Variants in KIAA1217 observed in about 807,000 individuals in gnomAD.
The protein encoded by KIAA1217 is KIAA1217.
In KIAA1217, 88 loss-of-function variants were observed where a neutral mutation model predicts 163.9. The ratio of observed to expected loss-of-function variants is 0.54; its 90% CI spans 0.45 to 0.64. The LOEUF (loss-of-function observed/expected upper bound fraction) is 0.64. KIAA1217 is among the 30% of genes least tolerant of loss of function. The pLI, the probability that KIAA1217 is intolerant of heterozygous loss-of-function variation, is 0.00. For synonymous variants in KIAA1217, 903 were observed against 923.1 expected, an observed-to-expected ratio of 0.98 and a Z score of 0.39; for missense variants, 2,372 against 2,475.0, an observed-to-expected ratio of 0.96 and a Z score of 0.88.
At chr10:24,360,807 T>C (rs1308245138) in intron 2 of KIAA1217, among the ~76,000 whole-genome samples, 4 of 152,182 alleles carry the variant, frequency 2.6e-5, no homozygotes, top group Non-Finnish European at 5.9e-5. Context: ...TATGATTTTA[T>C]TGTTCTTCCC....
chr10:23,855,891 T>A (rs923638680), intron 1 of KIAA1217, among the ~76,000 whole-genome samples: 1 of 152,172 alleles, frequency 6.6e-6, no homozygotes, highest in Non-Finnish European at 1.5e-5. Context: ...CTCTGATTGG[T>A]TATTCTAGTT....
intron 4 of KIAA1217, among the ~76,000 whole-genome samples, chr10:24,436,464 C>CAA (rs34617087): frequency 0.18 from 24,510 of 138,468 alleles, 2,284 homozygotes; most frequent in South Asian, 0.34. Context: ...TTATATAAGA[C>CAA]AAAAAAAAAA....
chr10:24,427,325 C>T (rs188274259), intron 3 of KIAA1217, among the ~76,000 whole-genome samples: 5 of 151,964 alleles, frequency 3.3e-5, no homozygotes, highest in African/African-American at 9.6e-5. Flanking sequence ...TCAACATCTT[C>T]AAGCAGATGG....
At position 23,880,356 on chromosome 10, in the gene KIAA1217, C is replaced by T. The variant is rs1176307569; in HGVS notation, c.-320-126869C>T. Among the ~76,000 whole-genome samples, 10 of 151,846 alleles carry T rather than the reference C, an allele frequency of 6.6e-5. 1 individual carries two copies. In the South Asian group the frequency reaches 1.0e-3, roughly 16 times the overall value. The stretch of plus-strand genomic sequence containing the variant: ...GTAAAATGAGCCAGGCACAGAAAGA[C>T]GAACATCACCTGTTCTCACTTATCT... On this transcript the variant is annotated intron_variant, in intron 1 of 18. Transcript: ENST00000376462.
At chr10:24,070,116 A>G (rs1179003231) in intron 2 of KIAA1217, among the ~76,000 whole-genome samples, 1 of 152,152 alleles carries the variant, frequency 6.6e-6, no homozygotes. Flanking sequence ...ATTTCTTATA[A>G]TGTAGCATTT....
At chr10:24,271,158 A>G (rs1268058061) in intron 2 of KIAA1217, among the ~76,000 whole-genome samples, 2 of 152,186 alleles carry the variant, frequency 1.3e-5, no homozygotes, top group Non-Finnish European at 2.9e-5. Flanking sequence ...ATTTGGCATC[A>G]AAGTTATTTT....
chr10:24,398,671 G>T (rs1423779583), intron 3 of KIAA1217, among the ~76,000 whole-genome samples: 1 of 152,094 alleles, frequency 6.6e-6, no homozygotes, highest in Non-Finnish European at 1.5e-5. Flanking sequence ...TTTTTCCCAT[G>T]ATTCTTTCCT....
chr10:23,871,150 T>C (rs1190835883), intron 1 of KIAA1217, among the ~76,000 whole-genome samples: 1 of 152,118 alleles, frequency 6.6e-6, no homozygotes, highest in Non-Finnish European at 1.5e-5. Context: ...TTATTTGTCT[T>C]AACTGGTTGG....
intron 2 of KIAA1217, among the ~76,000 whole-genome samples, chr10:24,229,226 T>TA (rs1214801350): frequency 6.6e-6 from 1 of 152,348 alleles, no homozygotes; most frequent in African/African-American, 2.4e-5. Context: ...TATACACTGT[T>TA]CAGTAAGTCG....
At chr10:24,196,688 TCTC>T (rs2130499454) in intron 2 of KIAA1217, among the ~76,000 whole-genome samples, 1 of 152,316 alleles carries the variant, frequency 6.6e-6, no homozygotes, top group African/African-American at 2.4e-5. Flanking sequence ...CCCTTGGACT[TCTC>T]CATTGCACTA....
chr10:24,544,371 G>A lies in KIAA1217; in HGVS notation c.5101G>A (p.Ala1701Thr). Residue 1701 changes from alanine to threonine, a missense_variant, in exon 19 of 21, where the codon GCA (alanine) becomes ACA (threonine). Physicochemically the swap from Ala to Thr is moderately conservative, Grantham distance 58. Coordinates refer to ENST00000376454, the MANE Select transcript of KIAA1217 (RefSeq NM_019590.5). ...TSCSSNRDSV[A>T]SSSHIAQEAS... ...ATGTTCTTCCAACAGAGATTCTGTT[G>A]CAAGTTCATCCCACATAGCCCAAGA... 6.2e-7 allele frequency: 1 copy of A among 1,614,116 alleles called. No individual in the cohort carries two copies. Among genetic ancestry groups the A allele is most frequent in the African/African-American group, 1.3e-5 (1 of 75,006 alleles).
intron 1 of KIAA1217, among the ~76,000 whole-genome samples, chr10:23,900,616 T>C (rs1841917489): frequency 6.6e-6 from 1 of 152,134 alleles, no homozygotes; most frequent in Admixed American, 6.5e-5. Context: ...ATAGGACTTA[T>C]ATTACTCTGT....
At chr10:24,430,366 G>T (rs954543668) in intron 3 of KIAA1217, among the ~76,000 whole-genome samples, 2 of 152,158 alleles carry the variant, frequency 1.3e-5, no homozygotes, top group African/African-American at 4.8e-5. Context: ...TGGCTGGGTG[G>T]GGTGGGAAGA....
chr10:23,833,878 A>C (rs1054532335), intron 1 of KIAA1217, among the ~76,000 whole-genome samples: 1 of 151,926 alleles, frequency 6.6e-6, no homozygotes, highest in African/African-American at 2.4e-5. Flanking sequence ...ATATGTCAAA[A>C]CAGATCTTTA....
At chr10:24,488,295 G>A (rs1222313808) in intron 6 of KIAA1217, among the ~76,000 whole-genome samples, 14 of 152,162 alleles carry the variant, frequency 9.2e-5, no homozygotes, top group Non-Finnish European at 1.5e-5. Flanking sequence ...GTGGATGGGA[G>A]CACCAGGGAT....
chr10:23,727,026 CA>C (rs1838196507), intron 1 of KIAA1217, among the ~76,000 whole-genome samples: 1 of 110,738 alleles, frequency 9.0e-6, no homozygotes, highest in African/African-American at 3.8e-5. Context: ...CTTGCTCTGT[CA>C]CCCAGGCTGG....
chr10:24,196,012 G>A (rs987367386), intron 2 of KIAA1217, among the ~76,000 whole-genome samples: 1 of 151,750 alleles, frequency 6.6e-6, no homozygotes, highest in African/African-American at 2.4e-5. Context: ...GTGTGCACCT[G>A]TAGTTCCAGC....
intron 1 of KIAA1217, among the ~76,000 whole-genome samples, chr10:23,768,685 G>A (rs549327689): frequency 2.0e-5 from 3 of 152,258 alleles, no homozygotes; most frequent in African/African-American, 4.8e-5. Flanking sequence ...CACTGAGCTC[G>A]GTATCACAAG....
intron 3 of KIAA1217, among the ~76,000 whole-genome samples, chr10:24,425,230 T>C (rs1172427428): frequency 6.6e-6 from 1 of 152,230 alleles, no homozygotes; most frequent in Admixed American, 6.5e-5. Context: ...AGAAAGATGA[T>C]ACAGAAAATC....
Sources: allele counts gnomAD v4.1 joint callset (sites outside exome capture counted in the v4.1 genomes callset), GRCh38; gene constraint gnomAD v4.1.1; transcripts MANE v1.5; gene names NCBI Gene and HGNC (gene_info 2026-07-23, HGNC 2026-07-21).